Variants in MS4A6A observed in about 807,000 individuals in gnomAD.
The protein encoded by MS4A6A is membrane-spanning 4-domains subfamily A member 6A.
Under a neutral mutation model 20.6 loss-of-function variants are expected in MS4A6A, and 19 were observed. The ratio of observed to expected loss-of-function variants is 0.92; its 90% CI spans 0.64 to 1.36. The LOEUF is 1.36. MS4A6A is among the 40% of genes most tolerant of loss of function. The probability of loss-of-function intolerance (pLI) is 0.00; values close to 1 mark genes in which losing one functional copy is unlikely to be tolerated. For synonymous variants in MS4A6A, 108 were observed against 105.0 expected (o/e 1.03, Z -0.17); for missense variants, 272 against 261.1 (o/e 1.04, Z -0.29).
At chr11:60,183,386 A>C, upstream of MS4A6A, 1 of 545,652 alleles carries the variant, frequency 1.8e-6, no homozygotes, top group Non-Finnish European at 3.2e-6. Flanking sequence ...AGATGAGCAA[A>C]AATATTTATA....
At chr11:60,183,157 T>C (rs2083829625), upstream of MS4A6A, 4 of 1,535,852 alleles carry the variant, frequency 2.6e-6, no homozygotes, top group Non-Finnish European at 3.5e-6. Flanking sequence ...TTGTGAAATG[T>C]TCCTGCACTT....
intron 1 of MS4A6A, chr11:60,182,311 A>AATAT (rs1294508811): frequency 6.5e-6 from 1 of 153,050 alleles, no homozygotes; most frequent in African/African-American, 2.4e-5. Flanking sequence ...GAATGCAAAT[A>AATAT]ATATACCTAT....
Position 60,172,558 on chromosome 11 carries a change from A to C in MS4A6A, c.*443T>G. 1 of 1,127,574 alleles carries C rather than the reference A, an allele frequency of 8.9e-7. No individual in the cohort carries two copies. Among genetic ancestry groups the C allele is most frequent in the Non-Finnish European group, 1.1e-6 (1 of 918,320 alleles). 69.8% of individuals were successfully genotyped at this position (1,127,574 alleles called of 1,614,324 possible). On this transcript the variant is annotated 3_prime_UTR_variant, in exon 6 of 6. Transcript: ENST00000528851. ...AAGGCAAACGAATTTTAAGATCACCAGGGGCAAATGCAGAGCATAAGACAT... is the reference window on the plus strand; with the variant it reads ...AAGGCAAACGAATTTTAAGATCACCCGGGGCAAATGCAGAGCATAAGACAT...
At position 60,175,421 on chromosome 11, in the gene MS4A6A, G is replaced by T. The variant is rs1181737916; in HGVS notation, c.530C>A (p.Thr177Lys). The T allele has an allele frequency of 6.2e-7, 1 of 1,613,850 alleles. No homozygotes were observed. Among genetic ancestry groups the T allele is most frequent in the South Asian group, 1.1e-5 (1 of 91,056 alleles). ...HDSLYTTDCY[T>K]AKASLAGTLS... ...ACTTACAGCCAGACTGGCTTTGGCT[G>T]TATAGCAGTCCGTGGTATAAAGTGA... Residue 177 changes from threonine to lysine, a missense_variant, in exon 5 of 6, where the codon ACA (threonine) becomes AAA (lysine). Physicochemically the swap from Thr to Lys is moderately conservative, Grantham distance 78. Transcript: ENST00000528851.
Position 60,173,136 on chromosome 11 carries a change from G to T in MS4A6A, c.550-7C>A, listed in dbSNP as rs770904421. ...GCATCAGAGAGAGAGTTCCCTGAAA[G>T]TCAAGAAATAAAAGATTGATGTTGC... is the stretch of plus-strand genomic sequence containing the variant. On this transcript the variant is annotated splice_polypyrimidine_tract_variant and splice_region_variant and intron_variant, in intron 5 of 5. Transcript: ENST00000528851. The T allele has an allele frequency of 6.2e-6, 10 of 1,612,662 alleles. No homozygotes were observed. Among genetic ancestry groups the T allele is most frequent in the Non-Finnish European group, 7.6e-6 (9 of 1,178,904 alleles).
At chr11:60,172,458 T>C (rs1410565234), downstream of MS4A6A, 4 of 1,269,660 alleles carry the variant, frequency 3.2e-6, no homozygotes, top group Non-Finnish European at 4.0e-6. Flanking sequence ...AAATCAAGGC[T>C]TTTTAATTCA....
At chr11:60,178,081 G>A (rs1856938470) in intron 4 of MS4A6A, 179 bp downstream of exon 4, 7 of 616,732 alleles carry the variant, frequency 1.1e-5, no homozygotes, top group Admixed American at 3.1e-5. Context: ...TACAATAATT[G>A]GAGAAATGTT....
rs1856783996 is a variant in MS4A6A at position 60,175,451 on chromosome 11, T to C, written c.500A>G (p.His167Arg). ...GCAGTCCGTGGTATAAAGTGAATCATGATAAAAGTAAGAAACATAACTTCT... is the reference window on the plus strand; with the variant it reads ...GCAGTCCGTGGTATAAAGTGAATCACGATAAAAGTAAGAAACATAACTTCT... Reference protein sequence around the residue: ...PTRSYVSYFYHDSLYTTDCYT... With the variant: ...PTRSYVSYFYRDSLYTTDCYT... Residue 167 changes from histidine (H) to arginine (R), a missense_variant, in exon 5 of 6, where the codon CAT becomes CGT. Coordinates refer to ENST00000528851, the MANE Select transcript of MS4A6A (RefSeq NM_022349.4). 6.2e-7 allele frequency: 1 copy of C among 1,614,194 alleles called. No individual in the cohort carries two copies. Among genetic ancestry groups the C allele is most frequent in the Non-Finnish European group, 8.5e-7 (1 of 1,180,008 alleles).
At chr11:60,181,273 C>G in intron 2 of MS4A6A, 2 of 422,142 alleles carry the variant, frequency 4.7e-6, no homozygotes, top group Non-Finnish European at 8.8e-6. Context: ...TACACATACA[C>G]ACAATATGTC....
At chr11:60,180,075 T>G in intron 2 of MS4A6A, 110 bp from the exon 3 acceptor site, 1 of 1,102,922 alleles carries the variant, frequency 9.1e-7, no homozygotes. Context: ...AAGATCCTAA[T>G]GAGGATACAA....
intron 5 of MS4A6A, among the ~76,000 whole-genome samples, 188 bp downstream of exon 5, chr11:60,175,214 A>G (rs1194326699): frequency 6.6e-6 from 1 of 152,224 alleles, no homozygotes; most frequent in Non-Finnish European, 1.5e-5. Context: ...AACATTTTCA[A>G]TTCCACTCTA....
chr11:60,172,235 G>T, downstream of MS4A6A: 1 of 1,613,412 alleles, frequency 6.2e-7, no homozygotes, highest in African/African-American at 1.3e-5. Flanking sequence ...ATGTAACTGT[G>T]AGGCAGGAAA....
intron 5 of MS4A6A, 145 bp from the exon 6 acceptor site, chr11:60,173,274 C>T (rs1380851163): frequency 1.5e-6 from 1 of 683,430 alleles, no homozygotes; most frequent in Admixed American, 2.3e-5. Flanking sequence ...AACTGCTCCT[C>T]CCACACCTCA....
At chr11:60,182,601 TG>T (rs1330442323) in intron 1 of MS4A6A, 1 of 152,458 alleles carries the variant, frequency 6.6e-6, no homozygotes, top group Non-Finnish European at 1.5e-5. Context: ...CTCGCGTCGT[TG>T]GTCCTCCCCA....
In MS4A6A at chr11:60,181,878, CA is replaced by C. The variant is rs1421726654; in HGVS notation, c.-14-138del. The stretch of plus-strand genomic sequence containing the variant: ...AGAGAAAGAAACTGATAGTATGGAA[CA>C]GTGAAAACCACACAATCTTGGTTTC... On this transcript the variant is annotated intron_variant, in intron 1 of 5. Coordinates refer to ENST00000528851, the MANE Select transcript of MS4A6A (RefSeq NM_022349.4). 9.9e-6 allele frequency: 8 copies of C among 808,504 alleles called. No individual in the cohort carries two copies. The East Asian group carries it at 2.1e-4, about 21-fold the overall frequency. The allele number at this position is 808,504 out of a possible 1,614,324, so 50.1% of individuals were successfully genotyped here.
At chr11:60,181,153 G>A (rs1459931757) in intron 2 of MS4A6A, 32 of 418,368 alleles carry the variant, frequency 7.6e-5, no homozygotes, top group Admixed American at 2.6e-4. Context: ...TCTCAAAAAC[G>A]TTAGGAGAAA....
chr11:60,178,412 T>A, intron 3 of MS4A6A, 96 bp from the exon 4 acceptor site: 2 of 969,178 alleles, frequency 2.1e-6, no homozygotes, highest in Non-Finnish European at 3.2e-6. Context: ...CATGGGAAAA[T>A]CCCTGAGAAA....
chr11:60,178,137 A>G, intron 4 of MS4A6A, 123 bp downstream of exon 4: 1 of 860,246 alleles, frequency 1.2e-6, no homozygotes, highest in Non-Finnish European at 1.9e-6. Flanking sequence ...CCTAATTCTA[A>G]CAACAACCAA....
At chr11:60,182,944 A>G (rs646924) in intron 1 of MS4A6A, 34 bp downstream of exon 1, 1,256,746 of 1,303,014 alleles carry the variant, frequency 0.96, 606,643 homozygotes, top group Non-Finnish European at 0.97. Context: ...GCAAGGGAAT[A>G]GTGAGATGAG....
Sources: gnomAD v4.1 joint callset for allele counts (sites outside exome capture counted in the v4.1 genomes callset) on GRCh38, gnomAD v4.1.1 for gene constraint, MANE v1.5 for transcripts, NCBI Gene and HGNC (gene_info 2026-07-23, HGNC 2026-07-21) for gene names.